Variants in EIF2S3B observed in about 807,000 individuals in gnomAD.
EIF2S3B encodes eukaryotic translation initiation factor 2 subunit 3B.
EIF2S3B carries 16 observed loss-of-function variants against 26.4 expected under a neutral mutation model. That is an observed-to-expected ratio of 0.61 (90% CI 0.41 to 0.92). EIF2S3B has a LOEUF of 0.92. Ranked by LOEUF, EIF2S3B falls within the 40% of genes least tolerant of loss-of-function variation. The pLI is 0.00. For synonymous variants in EIF2S3B, 183 were observed against 204.4 expected (o/e 0.90, Z 0.89); for missense variants, 510 against 575.5 (o/e 0.89, Z 1.16).
At chr12:10,522,383 T>A (rs551532171) in intron 1 of EIF2S3B, among the ~76,000 whole-genome samples, 37 of 152,094 alleles carry the variant, frequency 2.4e-4, no homozygotes, top group Non-Finnish European at 4.9e-4. Flanking sequence ...ATACTATGTC[T>A]ATAACTATAT....
intron 1 of EIF2S3B, among the ~76,000 whole-genome samples, chr12:10,516,659 T>C (rs1030636213): frequency 1.5e-4 from 22 of 151,344 alleles, no homozygotes; most frequent in African/African-American, 3.9e-4. Context: ...TGAATAGGAG[T>C]GGTGAGAGAG....
At chr12:10,522,259 T>C (rs896773868) in intron 1 of EIF2S3B, among the ~76,000 whole-genome samples, 3 of 152,164 alleles carry the variant, frequency 2.0e-5, no homozygotes, top group Non-Finnish European at 2.9e-5. Flanking sequence ...CACTCGAGCC[T>C]AGGCGTTTTA....
chr12:10,523,060 GTTAA>G (rs1331477738), exon 2 of EIF2S3B: 1 of 152,890 alleles, frequency 6.5e-6, no homozygotes, highest in Admixed American at 6.6e-5. Flanking sequence ...AAACTTGACT[GTTAA>G]TTATGATGTG....
intron 1 of EIF2S3B, among the ~76,000 whole-genome samples, chr12:10,518,571 C>G (rs1864792566): frequency 6.6e-6 from 1 of 152,090 alleles, no homozygotes; most frequent in Non-Finnish European, 1.5e-5. Context: ...CAGTCTGTGT[C>G]TTTTAATTGG....
chr12:10,507,437 TTAG>T lies in EIF2S3B; in HGVS notation c.*120_*122del. 8.0e-7 allele frequency: 1 copy of T among 1,242,928 alleles called. No homozygotes were observed. Among genetic ancestry groups the T allele is most frequent in the East Asian group, 2.3e-5 (1 of 43,030 alleles). 77.0% of individuals were successfully genotyped at this position (1,242,928 alleles called of 1,614,324 possible). A position where few individuals can be genotyped will look rare whatever the true frequency, so the allele number is the denominator to read the frequency against. ...GGAATTGATTTCACAGTTTGTTACC[TTAG>T]TAGGTAACGGTAAGGTTATTCTCTC... On this transcript the variant is annotated 3_prime_UTR_variant, in exon 1 of 1. Coordinates refer to ENST00000538173, the MANE Select transcript of EIF2S3B (RefSeq NM_001357734.3).
intron 1 of EIF2S3B, among the ~76,000 whole-genome samples, chr12:10,515,672 A>G (rs1198954950): frequency 2.2e-4 from 33 of 152,006 alleles, no homozygotes; most frequent in Admixed American, 2.2e-3. Context: ...TGATTTAAGC[A>G]GTATTTCAGT....
chr12:10,521,321 G>C (rs1293932388), intron 1 of EIF2S3B, among the ~76,000 whole-genome samples: 3 of 151,962 alleles, frequency 2.0e-5, no homozygotes, highest in Non-Finnish European at 4.4e-5. Flanking sequence ...AGGAAAGGAA[G>C]TTTAAAGAAA....
chr12:10,520,216 T>C (rs11053832), intron 1 of EIF2S3B, among the ~76,000 whole-genome samples: 39,717 of 146,644 alleles, frequency 0.27, 3,590 homozygotes, highest in Non-Finnish European at 0.3. Context: ...TGTAGGGACA[T>C]GGATGAAATT....
rs778684088 is a variant in EIF2S3B, at chr12:10,506,934, C to G, written c.1032C>G (p.Asp344Glu). Reference protein sequence around the residue: ...GGLIGVGTKIDPTLCRADRMV... With the variant: ...GGLIGVGTKIEPTLCRADRMV... ...TTATTGGAGTTGGAACAAAAATTGA[C>G]CCCACTTTGTGCCGGGCTGACAGAA... The change falls in exon 1 of 1, where the codon GAC becomes GAG. Residue 344 changes from aspartate (D) to glutamate (E), a missense_variant. Coordinates refer to ENST00000538173, the MANE Select transcript of EIF2S3B (RefSeq NM_001357734.3). The G allele has an allele frequency of 6.2e-7, 1 of 1,613,686 alleles. No individual in the cohort carries two copies. Among genetic ancestry groups the G allele is most frequent in the East Asian group, 2.2e-5 (1 of 44,902 alleles).
downstream of EIF2S3B, among the ~76,000 whole-genome samples, chr12:10,511,302 C>A (rs936261616): frequency 6.6e-6 from 1 of 151,766 alleles, no homozygotes; most frequent in African/African-American, 2.4e-5. Flanking sequence ...AATGGAAAAT[C>A]ATTTCATTAT....
At position 10,506,285 on chromosome 12, in the gene EIF2S3B, G is replaced by A. The variant is rs1864627919; in HGVS notation, c.383G>A (p.Arg128Lys). 6.2e-7 allele frequency: 1 copy of A among 1,613,890 alleles called. No individual in the cohort carries two copies. Among genetic ancestry groups the A allele is most frequent in the African/African-American group, 1.3e-5 (1 of 74,886 alleles). ...ACCAAAGGGAACTTCAGATTAGTCA[G>A]ACATGTTTCCTTTGTTGACTGTCCT... ...PGTKGNFRLV[R>K]HVSFVDCPGH... The change falls in exon 1 of 1, where the codon AGA (arginine) becomes AAA (lysine). Residue 128 changes from arginine to lysine, a missense_variant. Transcript: ENST00000538173.
Position 10,508,242 on chromosome 12 carries a change from C to T in EIF2S3B, c.*921C>T, listed in dbSNP as rs1864666244. 6.6e-6 allele frequency among the ~76,000 whole-genome samples: 1 copy of T among 152,076 alleles called. No homozygotes were observed. The highest frequency in any genetic ancestry group is 1.5e-5 in the Non-Finnish European group (1 of 68,022). On this transcript the variant is annotated 3_prime_UTR_variant, in exon 1 of 1. Transcript: ENST00000538173. ...TCCCATGGGCAAATAATTTTCTCCCCTTGCTCTTCCTGGCCTGAAATACGG... is the reference window on the plus strand; with the variant it reads ...TCCCATGGGCAAATAATTTTCTCCCTTTGCTCTTCCTGGCCTGAAATACGG...
chr12:10,515,126 TCACTC>T (rs889051607), intron 1 of EIF2S3B, among the ~76,000 whole-genome samples: 9 of 152,088 alleles, frequency 5.9e-5, no homozygotes. Context: ...TTCATATTCT[TCACTC>T]CATCTACATT....
chr12:10,513,903 T>C (rs1360783299), intron 1 of EIF2S3B, among the ~76,000 whole-genome samples: 2 of 145,428 alleles, frequency 1.4e-5, no homozygotes, highest in African/African-American at 2.4e-5. Context: ...TAGTCCCAAC[T>C]ACTTGGGAGG....
chr12:10,508,196 C>A lies in EIF2S3B; in HGVS notation c.*875C>A, dbSNP rs1357806392. Among the ~76,000 whole-genome samples the A allele has an allele frequency of 6.6e-6, 1 of 152,032 alleles. No homozygotes were observed. The highest frequency in any genetic ancestry group is 1.5e-5 in the Non-Finnish European group (1 of 68,006). On this transcript the variant is annotated 3_prime_UTR_variant, in exon 1 of 1. Transcript: ENST00000538173. Reference sequence around the variant, plus strand: ...ACGAATGGGTTCGAATGAAATTGTCCTTTAGAGCATGATTACTTGTTCCCA... The same window carrying A: ...ACGAATGGGTTCGAATGAAATTGTCATTTAGAGCATGATTACTTGTTCCCA...
intron 1 of EIF2S3B, among the ~76,000 whole-genome samples, chr12:10,520,318 C>A (rs1034906672): frequency 4.6e-4 from 65 of 142,142 alleles, no homozygotes; most frequent in Admixed American, 1.9e-3. Flanking sequence ...AATGAGAACA[C>A]ATGGACACAG....
downstream of EIF2S3B, among the ~76,000 whole-genome samples, chr12:10,511,233 T>C (rs1864701945): frequency 6.6e-6 from 1 of 152,150 alleles, no homozygotes; most frequent in Admixed American, 6.5e-5. Flanking sequence ...TCTTGTGTTT[T>C]ACATTTAAAG....
rs1400574108 is a variant in EIF2S3B at position 10,506,672 on chromosome 12, T to C, written c.770T>C (p.Ile257Thr). 1.7e-5 allele frequency: 28 copies of C among 1,614,008 alleles called. No individual in the cohort carries two copies. Among genetic ancestry groups the C allele is most frequent in the South Asian group, 3.3e-5 (3 of 91,082 alleles). The change falls in exon 1 of 1, where the codon ATT becomes ACT. Residue 257 changes from isoleucine (I) to threonine (T), a missense_variant. Transcript: ENST00000538173. ...PRDFTSEPRL[I>T]VIRSFDVNKP... Reference sequence around the variant, plus strand: ...GACTTTACTTCAGAGCCCCGGCTTATTGTTATTAGATCTTTTGATGTCAAC... The same window carrying C: ...GACTTTACTTCAGAGCCCCGGCTTACTGTTATTAGATCTTTTGATGTCAAC...
intron 1 of EIF2S3B, among the ~76,000 whole-genome samples, chr12:10,514,628 CT>C (rs1209456850): frequency 1.3e-5 from 2 of 152,126 alleles, no homozygotes; most frequent in African/African-American, 4.8e-5. Flanking sequence ...TAATGTTCTT[CT>C]TGTGTTTTCT....
Sources: gnomAD v4.1 joint callset for allele counts (sites outside exome capture counted in the v4.1 genomes callset) on GRCh38, gnomAD v4.1.1 for gene constraint, MANE v1.5 for transcripts, NCBI Gene and HGNC (gene_info 2026-07-23, HGNC 2026-07-21) for gene names.